Variants in NCOA1 observed in about 807,000 individuals in gnomAD.
NCOA1 encodes the protein Hin-2 protein.
In NCOA1, 35 loss-of-function variants were observed where a neutral mutation model predicts 150.9. That is an observed-to-expected ratio of 0.23 (90% CI 0.18 to 0.31). NCOA1 has a LOEUF of 0.31. Ranked by LOEUF, NCOA1 falls within the 10% of genes least tolerant of loss-of-function variation. The pLI is 1.00. For synonymous variants in NCOA1, 590 were observed against 630.0 expected (o/e 0.94, Z 0.95); for missense variants, 1,491 against 1,749.3 (o/e 0.85, Z 2.63).
chr2:24,729,837 T>C, intron 17 of NCOA1, 22 bp downstream of exon 17: 1 of 1,583,566 alleles, frequency 6.3e-7, no homozygotes, highest in Non-Finnish European at 8.6e-7. Context: ...TGTTTAGCAG[T>C]TGATACTTTT....
At chr2:24,522,417 A>T (rs1336918818) in intron 1 of NCOA1, among the ~76,000 whole-genome samples, 1 of 152,234 alleles carries the variant, frequency 6.6e-6, no homozygotes, top group East Asian at 1.9e-4. Flanking sequence ...ATAAAAATGA[A>T]GAAAATATGG....
At chr2:24,506,808 A>G (rs1213642711) in intron 1 of NCOA1, among the ~76,000 whole-genome samples, 2 of 152,338 alleles carry the variant, frequency 1.3e-5, no homozygotes, top group East Asian at 1.9e-4. Flanking sequence ...AACACTTTCA[A>G]TCCATTGCTT....
rs1572545013 is a variant in NCOA1, at chr2:24,652,374, T to A, written c.-17-6287T>A. Among the ~76,000 whole-genome samples, 4 of 152,224 alleles carry A rather than the reference T, an allele frequency of 2.6e-5. No individual in the cohort carries two copies. In the South Asian group the frequency reaches 8.3e-4, roughly 32 times the overall value. On this transcript the variant is annotated intron_variant, in intron 4 of 22. Transcript: ENST00000348332. ...AAATTACCTAGTTCAGATCTCTATTTATCATGTTTTTCCTGTGTGATGCCC... is the reference window on the plus strand; with the variant it reads ...AAATTACCTAGTTCAGATCTCTATTAATCATGTTTTTCCTGTGTGATGCCC...
Position 24,729,580 on chromosome 2 carries a change from A to C in NCOA1, c.2966A>C (p.Asn989Thr), listed in dbSNP as rs751150024. The C allele has an allele frequency of 6.2e-7, 1 of 1,614,032 alleles. No individual in the cohort carries two copies. Among genetic ancestry groups the C allele is most frequent in the Non-Finnish European group, 8.5e-7 (1 of 1,179,926 alleles). ...TPPLIMEERPNLYSQPYSSPS... is the reference protein window; with the variant it reads ...TPPLIMEERPTLYSQPYSSPS... ...CCTTTGATCATGGAAGAAAGACCCA[A>C]CCTTTATTCCCAGCCTTACTCTTCT... The change falls in exon 17 of 23, where the codon AAC becomes ACC. Residue 989 changes from asparagine to threonine, a missense_variant. Asn to Thr is a moderately conservative substitution (Grantham distance 65). This residue lies in a region of NCOA1 where 485 missense variants were observed against 522.8 expected (regional missense o/e 0.93). Transcript: ENST00000348332.
At chr2:24,637,503 A>G (rs976448381) in intron 3 of NCOA1, among the ~76,000 whole-genome samples, 3 of 151,784 alleles carry the variant, frequency 2.0e-5, no homozygotes, top group Non-Finnish European at 4.4e-5. Flanking sequence ...ATGGAATACT[A>G]TGCAGCCATA....
chr2:24,601,913 G>A (rs1668140111), intron 3 of NCOA1, among the ~76,000 whole-genome samples: 1 of 152,148 alleles, frequency 6.6e-6, no homozygotes, highest in Admixed American at 6.5e-5. Flanking sequence ...TGGGATAACA[G>A]GCGTGAACCA....
At chr2:24,551,113 G>C (rs1665814684) in intron 1 of NCOA1, among the ~76,000 whole-genome samples, 1 of 142,952 alleles carries the variant, frequency 7.0e-6, no homozygotes. Context: ...AAAAAAAAAA[G>C]CTCTGATAGT....
rs1427764812 is a variant in NCOA1 at position 24,770,198 on chromosome 2, G to C, written c.*1807G>C. ...CCCTGATTTCATTCATTTCCAGCTT[G>C]AAAGCCAGCCATATTACTCTAGTCC... On this transcript the variant is annotated 3_prime_UTR_variant, in exon 23 of 23. Coordinates refer to ENST00000348332, the MANE Select transcript of NCOA1 (RefSeq NM_003743.5). 4.3e-6 allele frequency: 1 copy of C among 231,470 alleles called. No individual in the cohort carries two copies. The highest frequency in any genetic ancestry group is 2.2e-5 in the African/African-American group (1 of 45,218). The allele number at this position is 231,470 out of a possible 1,614,324, so 14.3% of individuals were successfully genotyped here.
At chr2:24,618,920 T>C (rs971686552) in intron 3 of NCOA1, among the ~76,000 whole-genome samples, 2 of 152,172 alleles carry the variant, frequency 1.3e-5, no homozygotes, top group Admixed American at 1.3e-4. Context: ...TTCAGAGAGT[T>C]TGTAATATGT....
chr2:24,697,402 TG>T (rs1390980523), intron 10 of NCOA1, among the ~76,000 whole-genome samples: 4 of 152,208 alleles, frequency 2.6e-5, no homozygotes, highest in African/African-American at 9.6e-5. Flanking sequence ...CAGGTCATTA[TG>T]GTATGACTTT....
At chr2:24,545,501 A>G (rs1386088410) in intron 1 of NCOA1, among the ~76,000 whole-genome samples, 1 of 152,194 alleles carries the variant, frequency 6.6e-6, no homozygotes, top group Admixed American at 6.5e-5. Flanking sequence ...ATTCCAAATA[A>G]TTTGTGCAGA....
Position 24,693,439 on chromosome 2 carries a change from A to G in NCOA1, c.808+92A>G, listed in dbSNP as rs538803625. ...TATATCCAGAATGTCTTTCTGTTCT[A>G]TGAGATTTAGGCTTTGCTCCCTAGT... On this transcript the variant is annotated intron_variant, in intron 10 of 22. Coordinates refer to ENST00000348332, the MANE Select transcript of NCOA1 (RefSeq NM_003743.5). 20 of 1,155,190 alleles carry G rather than the reference A, an allele frequency of 1.7e-5. No individual in the cohort carries two copies. In the Admixed American group the frequency reaches 1.7e-4, roughly 10 times the overall value. The allele number at this position is 1,155,190 out of a possible 1,614,324, so 71.6% of individuals were successfully genotyped here.
intron 17 of NCOA1, among the ~76,000 whole-genome samples, chr2:24,738,345 A>G (rs946815533): frequency 6.6e-6 from 1 of 151,864 alleles, no homozygotes; most frequent in Admixed American, 6.6e-5. Flanking sequence ...TATTAATATT[A>G]TTGTTACTGT....
intron 1 of NCOA1, among the ~76,000 whole-genome samples, chr2:24,549,098 C>T (rs924004239): frequency 1.3e-4 from 20 of 152,214 alleles, no homozygotes; most frequent in Admixed American, 4.6e-4. Context: ...ACAAACTTCT[C>T]TTTGGGCATC....
Position 24,504,363 on chromosome 2 carries a change from C to A in NCOA1, c.-396+12761C>A, listed in dbSNP as rs148113443. On this transcript the variant is annotated intron_variant, in intron 1 of 22. Coordinates refer to ENST00000348332, the MANE Select transcript of NCOA1 (RefSeq NM_003743.5). The stretch of plus-strand genomic sequence containing the variant: ...GCTTTGGCCCTAAAGTGTCCCACAT[C>A]GATTTTTCTTATAGACTATTGGCTA... Among the ~76,000 whole-genome samples the A allele has an allele frequency of 8.5e-5, 13 of 152,284 alleles. No individual in the cohort carries two copies. In the East Asian group the frequency reaches 2.1e-3, roughly 25 times the overall value.
chr2:24,762,687 A>C lies in NCOA1; in HGVS notation c.4066A>C (p.Ile1356Leu), dbSNP rs148719445. The change falls in exon 22 of 23, where the codon ATA becomes CTA. Residue 1356 changes from isoleucine (I) to leucine (L), a missense_variant and splice_region_variant. By Grantham distance (5) the Ile-to-Leu change is conservative (BLOSUM62 2). This residue lies in a region of NCOA1 where 485 missense variants were observed against 522.8 expected (regional missense o/e 0.93). Transcript: ENST00000348332. The stretch of plus-strand genomic sequence containing the variant: ...TTGATCTTGTATTTATCTTTAATAG[A>C]TAAATGATCCCGCACTGAGACACAC... ...PGMNTVCPEQINDPALRHTGL... is the reference protein window; with the variant it reads ...PGMNTVCPEQLNDPALRHTGL... The C allele has an allele frequency of 8.5e-5, 137 of 1,613,068 alleles. No individual in the cohort carries two copies. The highest frequency in any genetic ancestry group is 1.1e-4 in the Non-Finnish European group (125 of 1,179,242).
At chr2:24,498,588 G>A (rs1663323266) in intron 1 of NCOA1, among the ~76,000 whole-genome samples, 1 of 152,118 alleles carries the variant, frequency 6.6e-6, no homozygotes, top group Admixed American at 6.5e-5. Context: ...ATAGAGACAA[G>A]GAGAACAGTA....
intron 3 of NCOA1, among the ~76,000 whole-genome samples, chr2:24,599,963 T>C (rs1400489224): frequency 2.6e-5 from 4 of 152,128 alleles, no homozygotes; most frequent in Non-Finnish European, 2.9e-5. Flanking sequence ...ACTCCTGACC[T>C]CAGGTGATCC....
chr2:24,697,189 T>C (rs1176000814), intron 10 of NCOA1, among the ~76,000 whole-genome samples: 1 of 152,232 alleles, frequency 6.6e-6, no homozygotes, highest in African/African-American at 2.4e-5. Flanking sequence ...TTAAATACAG[T>C]ATTGCCTACA....
Sources: gnomAD v4.1 joint callset for allele counts (sites outside exome capture counted in the v4.1 genomes callset) on GRCh38, gnomAD v4.1.1 for gene constraint, gnomAD v4.1.1 regional missense constraint, MANE v1.5 for transcripts, NCBI Gene and HGNC (gene_info 2026-07-23, HGNC 2026-07-21) for gene names.